CHST6: variants seen among roughly 807,000 people sequenced by gnomAD.
CHST6 encodes the protein carbohydrate sulfotransferase 6.
For missense variants in CHST6, 698 were observed against 586.2 expected (o/e 1.19, Z -1.97); for synonymous variants, 309 against 276.4 (o/e 1.12, Z -1.17).
rs2080036227 is a variant in CHST6, at chr16:75,473,441, G to A, written c.*5200C>T. 1 of 152,326 alleles carries A rather than the reference G, an allele frequency of 6.6e-6. No individual in the cohort carries two copies. Among genetic ancestry groups the A allele is most frequent in the Non-Finnish European group, 1.5e-5 (1 of 68,156 alleles). The allele number at this position is 152,326 out of a possible 1,614,324, so 9.4% of individuals were successfully genotyped here. On this transcript the variant is annotated 3_prime_UTR_variant, in exon 3 of 3. Transcript: ENST00000332272. ...TTCTCCCGGGCAGAGGCGGAGGTCC[G>A]AAGCAAAGGAGCAGCACGCAGGTTC...
Position 75,474,516 on chromosome 16 carries a change from T to TC in CHST6, c.*4124dup. The TC allele has an allele frequency of 2.5e-6, 1 of 397,100 alleles. No homozygotes were observed. Among genetic ancestry groups the TC allele is most frequent in the Non-Finnish European group, 4.4e-6 (1 of 225,512 alleles). The allele number at this position is 397,100 out of a possible 1,614,324, so 24.6% of individuals were successfully genotyped here. ...GTCTTGAGTGCCTGGTCTCAAGTGA[T>TC]CCTCCTGCCTCAGCCTTGCAAAGTA... On this transcript the variant is annotated 3_prime_UTR_variant, in exon 3 of 3. Transcript: ENST00000332272.
chr16:75,473,948 G>A lies in CHST6; in HGVS notation c.*4693C>T, dbSNP rs140560992. Reference sequence around the variant, plus strand: ...GCACATTGGGAGGCCAAGGCAGGTGGATCACCTGAGGTCAGGAGTTCCAGC... The same window carrying A: ...GCACATTGGGAGGCCAAGGCAGGTGAATCACCTGAGGTCAGGAGTTCCAGC... On this transcript the variant is annotated 3_prime_UTR_variant, in exon 3 of 3. Coordinates refer to ENST00000332272, the MANE Select transcript of CHST6 (RefSeq NM_021615.5). 6.6e-6 allele frequency: 1 copy of A among 152,252 alleles called. No individual in the cohort carries two copies. Among genetic ancestry groups the A allele is most frequent in the East Asian group, 1.9e-4 (1 of 5,170 alleles). 9.4% of individuals were successfully genotyped at this position (152,252 alleles called of 1,614,324 possible).
At chr16:75,491,541 T>G (rs2080257377) in intron 1 of CHST6, among the ~76,000 whole-genome samples, 1 of 151,920 alleles carries the variant, frequency 6.6e-6, no homozygotes, top group Non-Finnish European at 1.5e-5. Context: ...GGCTAATTTT[T>G]TGTATTTTTT....
At chr16:75,480,941 A>AGG in intron 2 of CHST6, among the ~76,000 whole-genome samples, 1 of 127,106 alleles carries the variant, frequency 7.9e-6, no homozygotes, top group African/African-American at 2.7e-5. Flanking sequence ...AAAAAAAAAA[A>AGG]AAAAAGAAAA....
At chr16:75,486,341 C>G (rs756551568) in intron 1 of CHST6, among the ~76,000 whole-genome samples, 2 of 152,252 alleles carry the variant, frequency 1.3e-5, no homozygotes, top group Non-Finnish European at 2.9e-5. Flanking sequence ...ATGCTTGGTT[C>G]TGTCCACTCA....
At position 75,474,949 on chromosome 16, in the gene CHST6, C is replaced by T. The variant is rs1000592628; in HGVS notation, c.*3692G>A. 6 of 342,622 alleles carry T rather than the reference C, an allele frequency of 1.8e-5. No individual in the cohort carries two copies. Among genetic ancestry groups the T allele is most frequent in the African/African-American group, 1.1e-4 (5 of 47,550 alleles). The allele number at this position is 342,622 out of a possible 1,614,324, so 21.2% of individuals were successfully genotyped here. A position where few individuals can be genotyped will look rare whatever the true frequency, so the allele number is the denominator to read the frequency against. On this transcript the variant is annotated 3_prime_UTR_variant, in exon 3 of 3. Transcript: ENST00000332272. ...TAGCTGGCCTTACAGGCATGTGCCA[C>T]CACACCTGGCTAATTTTTGTATTTT...
At position 75,478,511 on chromosome 16, in the gene CHST6, T is replaced by TGAG; in HGVS notation, c.*129_*130insCTC. 2 of 888,512 alleles carry TGAG rather than the reference T, an allele frequency of 2.3e-6. No individual in the cohort carries two copies. The highest frequency in any genetic ancestry group is 3.7e-6 in the Non-Finnish European group (2 of 542,248). The allele number at this position is 888,512 out of a possible 1,614,324, so 55.0% of individuals were successfully genotyped here. On this transcript the variant is annotated 3_prime_UTR_variant, in exon 3 of 3. Coordinates refer to ENST00000332272, the MANE Select transcript of CHST6 (RefSeq NM_021615.5). ...AAGAAACGTGCAGTCCTTGCCTACTTGGGGAGGGGGAGGGGTCGTACCACA... is the reference window on the plus strand; with the variant it reads ...AAGAAACGTGCAGTCCTTGCCTACTTGAGGGGGAGGGGGAGGGGTCGTACCACA...
At chr16:75,485,905 A>G (rs2151669973) in intron 1 of CHST6, among the ~76,000 whole-genome samples, 1 of 152,290 alleles carries the variant, frequency 6.6e-6, no homozygotes, top group East Asian at 1.9e-4. Flanking sequence ...CCTGGATTCC[A>G]GCAAAGTCCC....
rs538179316 is a variant in CHST6 at position 75,488,105 on chromosome 16, C to A, written c.-91-6214G>T. Among the ~76,000 whole-genome samples, 9 of 152,288 alleles carry A rather than the reference C, an allele frequency of 5.9e-5. No individual in the cohort carries two copies. In the South Asian group the frequency reaches 1.9e-3, roughly 32 times the overall value. ...GAATCTAAGGGAACAAAATGTAACA[C>A]TAGGTATAGATCCCAGGTTTAGATT... On this transcript the variant is annotated intron_variant, in intron 1 of 2. Coordinates refer to ENST00000332272, the MANE Select transcript of CHST6 (RefSeq NM_021615.5).
intron 1 of CHST6, among the ~76,000 whole-genome samples, chr16:75,487,140 C>T (rs2080206377): frequency 6.6e-6 from 1 of 152,238 alleles, no homozygotes; most frequent in Admixed American, 6.5e-5. Context: ...CAGTAGCCCA[C>T]ATGGCTTTCT....
intron 2 of CHST6, among the ~76,000 whole-genome samples, chr16:75,480,937 A>AG (rs1420897497): frequency 2.1e-4 from 25 of 120,360 alleles, no homozygotes; most frequent in Non-Finnish European, 3.0e-4. Flanking sequence ...CAAAAAAAAA[A>AG]AAAAAAAAAG....
At chr16:75,491,937 A>C (rs2650414) in intron 1 of CHST6, among the ~76,000 whole-genome samples, 79,013 of 152,000 alleles carry the variant, frequency 0.52, 23,782 homozygotes, top group African/African-American at 0.8. Flanking sequence ...CACTCTCAAC[A>C]CCAGGACTGT....
Position 75,484,005 on chromosome 16 carries a change from C to T in CHST6, c.-91-2114G>A, listed in dbSNP as rs116497190. On this transcript the variant is annotated intron_variant, in intron 1 of 2. Coordinates refer to ENST00000332272, the MANE Select transcript of CHST6 (RefSeq NM_021615.5). ...TGTGACTGCACTCCAGCCTGGAAAA[C>T]GGAGAAAGACCCTGTCTCAAAAATA... 3.7e-3 allele frequency among the ~76,000 whole-genome samples: 563 copies of T among 151,834 alleles called. 3 individuals carry two copies. The highest frequency in any genetic ancestry group is 0.012 in the African/African-American group (486 of 41,354).
intron 1 of CHST6, among the ~76,000 whole-genome samples, chr16:75,492,362 C>T (rs1484439607): frequency 1.3e-5 from 2 of 152,268 alleles, no homozygotes; most frequent in Admixed American, 1.3e-4. Context: ...CAGCAACACA[C>T]ACAGGGTACG....
chr16:75,474,640 C>A lies in CHST6; in HGVS notation c.*4001G>T. The A allele has an allele frequency of 2.5e-6, 1 of 398,946 alleles. No individual in the cohort carries two copies. The allele number at this position is 398,946 out of a possible 1,614,324, so 24.7% of individuals were successfully genotyped here. A position where few individuals can be genotyped will look rare whatever the true frequency, so the allele number is the denominator to read the frequency against. On this transcript the variant is annotated 3_prime_UTR_variant, in exon 3 of 3. Coordinates refer to ENST00000332272, the MANE Select transcript of CHST6 (RefSeq NM_021615.5). ...TTCTGGAGGCTGGGAAGCCCAAGAT[C>A]AAGGAGCCAGCATCTAGCGAGAGCC... is the stretch of plus-strand genomic sequence containing the variant.
chr16:75,479,579 T>C lies in CHST6; in HGVS notation c.250A>G (p.Ser84Gly). 6.2e-7 allele frequency: 1 copy of C among 1,612,990 alleles called. No individual in the cohort carries two copies. The highest frequency in any genetic ancestry group is 1.6e-4 in the Middle Eastern group (1 of 6,062). ...WHVWTTLSQG[S>G]AATLHMAVRD... ...ACAGCCATGTGCAGCGTTGCGGCGC[T>C]GCCCTGCGACAGGGTGGTCCACACG... is the stretch of plus-strand genomic sequence containing the variant. The change falls in exon 3 of 3, where the codon AGC becomes GGC. Residue 84 changes from serine to glycine, a missense_variant. Ser to Gly is a moderately conservative substitution (Grantham distance 56). Transcript: ENST00000332272.
chr16:75,480,587 T>C (rs953226327), intron 2 of CHST6, among the ~76,000 whole-genome samples: 16 of 150,706 alleles, frequency 1.1e-4, no homozygotes, highest in East Asian at 1.9e-4. Flanking sequence ...TTTTTTTAAA[T>C]AGACAGGTAT....
chr16:75,490,413 G>A (rs1056155592), intron 1 of CHST6, among the ~76,000 whole-genome samples: 17 of 152,142 alleles, frequency 1.1e-4, no homozygotes, highest in African/African-American at 3.9e-4. Flanking sequence ...GGGAGGCAGA[G>A]GTTGTGGTGA....
rs1317579542 is a variant in CHST6, at chr16:75,478,547, T to C, written c.*94A>G. The stretch of plus-strand genomic sequence containing the variant: ...AGGGGTCGTACCACAAACTCCTTGG[T>C]CAATATAGGGACCTGCTTCTCCGTG... On this transcript the variant is annotated 3_prime_UTR_variant, in exon 3 of 3. Transcript: ENST00000332272. 14 of 1,285,466 alleles carry C rather than the reference T, an allele frequency of 1.1e-5. No individual in the cohort carries two copies. Among genetic ancestry groups the C allele is most frequent in the African/African-American group, 8.7e-5 (6 of 68,614 alleles). The allele number at this position is 1,285,466 out of a possible 1,614,324, so 79.6% of individuals were successfully genotyped here.
Sources: allele counts gnomAD v4.1 joint callset (sites outside exome capture counted in the v4.1 genomes callset), GRCh38; gene constraint gnomAD v4.1.1; transcripts MANE v1.5; gene names NCBI Gene and HGNC (gene_info 2026-07-23, HGNC 2026-07-21).